The following FARP1 variants were observed in gnomAD, a reference collection of about 807,000 sequenced individuals.
FARP1 encodes FERM, ARH/RhoGEF and pleckstrin domain protein 1.
A neutral mutation model predicts 128.8 loss-of-function variants in FARP1; 52 were observed. The ratio of observed to expected loss-of-function variants is 0.40; its 90% CI spans 0.32 to 0.51. The LOEUF (loss-of-function observed/expected upper bound fraction) is 0.51. FARP1 is among the 20% of genes least tolerant of loss of function. The pLI, the probability that FARP1 is intolerant of heterozygous loss-of-function variation, is 0.45. For synonymous variants in FARP1, 580 were observed against 551.8 expected (o/e 1.05, Z -0.72); for missense variants, 1,333 against 1,367.9 (o/e 0.97, Z 0.40).
Position 98,453,394 on chromosome 13 carries a change from T to C in FARP1, c.*5077T>C, listed in dbSNP as rs993215775. 1 of 616,662 alleles carries C rather than the reference T, an allele frequency of 1.6e-6. No individual in the cohort carries two copies. Among genetic ancestry groups the C allele is most frequent in the African/African-American group, 1.9e-5 (1 of 53,196 alleles). 38.2% of individuals were successfully genotyped at this position (616,662 alleles called of 1,614,324 possible). A position where few individuals can be genotyped will look rare whatever the true frequency, so the allele number is the denominator to read the frequency against. On this transcript the variant is annotated 3_prime_UTR_variant, in exon 27 of 27. Transcript: ENST00000319562. ...CATATAAAGACTGAGAAGATCATGA[T>C]TCTTACACAAAAACTCCAGAGCATG...
chr13:98,208,158 G>C (rs568386961), intron 1 of FARP1, among the ~76,000 whole-genome samples: 1 of 152,154 alleles, frequency 6.6e-6, no homozygotes, highest in South Asian at 2.1e-4. Context: ...GCAGAAGTGA[G>C]AAAGGCACTT....
In FARP1 at chr13:98,439,978, C is replaced by A; in HGVS notation, c.2451C>A (p.Asp817Glu). 1 of 1,585,426 alleles carries A rather than the reference C, an allele frequency of 6.3e-7. No homozygotes were observed. ...LYGMTIEESE[D>E]EWGVPHCLTL... ...GCCCACAGATTGAGGAGAGCGAAGA[C>A]GAGTGGGGGGTGCCCCACTGCCTGA... Residue 817 changes from aspartate (D) to glutamate (E), a missense_variant, in exon 22 of 27, where the codon GAC becomes GAA. Transcript: ENST00000319562.
At chr13:98,271,571 C>T (rs1290825532) in intron 2 of FARP1, among the ~76,000 whole-genome samples, 1 of 152,092 alleles carries the variant, frequency 6.6e-6, no homozygotes, top group Non-Finnish European at 1.5e-5. Flanking sequence ...TTCTCCCCAC[C>T]CCTCGACAGG....
At chr13:98,143,584 C>T (rs140422396) in intron 1 of FARP1, 92 bp downstream of exon 1, 6,241 of 150,564 alleles carry the variant, frequency 0.041, 357 homozygotes, top group African/African-American at 0.13. Flanking sequence ...AGTCCAGGCT[C>T]CCGCAGCGCA....
Position 98,343,759 on chromosome 13 carries a change from C to T in FARP1, c.172-3C>T. 19 of 1,611,024 alleles carry T rather than the reference C, an allele frequency of 1.2e-5. No homozygotes were observed. The highest frequency in any genetic ancestry group is 1.6e-5 in the Non-Finnish European group (19 of 1,177,174). The stretch of plus-strand genomic sequence containing the variant: ...GGATAACCCCTGTTGTTTCTGCTCA[C>T]AGCAAAGAGCTCCTGGGAAGGTGCT... On this transcript the variant is annotated splice_polypyrimidine_tract_variant and splice_region_variant and intron_variant, in intron 2 of 26. Transcript: ENST00000319562.
intron 1 of FARP1, among the ~76,000 whole-genome samples, chr13:98,175,629 A>C (rs1877955251): frequency 6.6e-6 from 1 of 151,982 alleles, no homozygotes. Flanking sequence ...AGAGCTTTAT[A>C]ACTTTTTCAT....
intron 3 of FARP1, among the ~76,000 whole-genome samples, chr13:98,363,404 C>A (rs755210555): frequency 5.9e-5 from 9 of 152,174 alleles, no homozygotes; most frequent in Non-Finnish European, 1.0e-4. Flanking sequence ...GTTTTGACAT[C>A]TTAAAAGACC....
intron 5 of FARP1, among the ~76,000 whole-genome samples, chr13:98,373,922 A>G (rs1259306207): frequency 6.6e-6 from 1 of 152,244 alleles, no homozygotes; most frequent in Non-Finnish European, 1.5e-5. Context: ...TTATAATAGT[A>G]GTAAACATAC....
chr13:98,396,393 T>C, intron 13 of FARP1: 1 of 399,306 alleles, frequency 2.5e-6, no homozygotes, highest in Admixed American at 4.4e-5. Context: ...CAGTGCTGCG[T>C]TCCCCGTCCC....
rs142989511 is a variant in FARP1 at position 98,230,776 on chromosome 13, C to T, written c.171+17363C>T. On this transcript the variant is annotated intron_variant, in intron 2 of 26. Coordinates refer to ENST00000319562, the MANE Select transcript of FARP1 (RefSeq NM_005766.4). ...GTAAAGGAGATGCATGCAGAAACAG[C>T]CTCTAATTTGTCAGTAAGCCATGCA... Among the ~76,000 whole-genome samples the T allele has an allele frequency of 1.5e-3, 231 of 152,232 alleles. 1 individual carries two copies. The highest frequency in any genetic ancestry group is 5.2e-3 in the African/African-American group (218 of 41,524).
At chr13:98,440,924 G>T in intron 24 of FARP1, 88 bp downstream of exon 24, 1 of 1,363,422 alleles carries the variant, frequency 7.3e-7, no homozygotes, top group East Asian at 2.5e-5. Flanking sequence ...GCTTGAGGGA[G>T]GCTGGGACTG....
chr13:98,412,421 C>A (rs753660832), intron 16 of FARP1, among the ~76,000 whole-genome samples: 58 of 152,192 alleles, frequency 3.8e-4, no homozygotes, highest in Non-Finnish European at 7.5e-4. Flanking sequence ...ACATACATGC[C>A]TTGTGCAGTT....
chr13:98,310,672 T>C (rs1249340403), intron 2 of FARP1, among the ~76,000 whole-genome samples: 5 of 152,184 alleles, frequency 3.3e-5, no homozygotes, highest in Admixed American at 1.3e-4. Flanking sequence ...AGGTGTTGTG[T>C]GACTGGTGGT....
intron 2 of FARP1, among the ~76,000 whole-genome samples, chr13:98,301,370 T>C (rs1316917153): frequency 1.3e-5 from 2 of 152,206 alleles, no homozygotes; most frequent in Admixed American, 6.5e-5. Flanking sequence ...ACAGGTCTGC[T>C]TGGCAGAAAC....
At chr13:98,422,151 C>A (rs1333608223) in intron 16 of FARP1, among the ~76,000 whole-genome samples, 1 of 152,104 alleles carries the variant, frequency 6.6e-6, no homozygotes, top group Non-Finnish European at 1.5e-5. Context: ...GAGGTGGCCA[C>A]GAGAATTGAA....
At chr13:98,190,116 C>T (rs1566721279) in intron 1 of FARP1, among the ~76,000 whole-genome samples, 1 of 152,112 alleles carries the variant, frequency 6.6e-6, no homozygotes, top group Non-Finnish European at 1.5e-5. Flanking sequence ...TAACTTTTCT[C>T]TTTTTGAGTT....
chr13:98,420,615 C>T (rs571981293), intron 16 of FARP1, among the ~76,000 whole-genome samples: 1 of 152,252 alleles, frequency 6.6e-6, no homozygotes, highest in South Asian at 2.1e-4. Flanking sequence ...AGCAACCAGG[C>T]AGCTTCTTAG....
At chr13:98,147,233 CG>C (rs1250087092) in intron 1 of FARP1, among the ~76,000 whole-genome samples, 1 of 152,140 alleles carries the variant, frequency 6.6e-6, no homozygotes, top group Non-Finnish European at 1.5e-5. Context: ...ATATCATGCT[CG>C]AAGCTTTTGA....
At chr13:98,287,508 G>T (rs1374125299) in intron 2 of FARP1, among the ~76,000 whole-genome samples, 1 of 151,874 alleles carries the variant, frequency 6.6e-6, no homozygotes, top group Non-Finnish European at 1.5e-5. Context: ...GATTACAGGT[G>T]TGAGCCACTG....
Sources: allele counts gnomAD v4.1 joint callset (sites outside exome capture counted in the v4.1 genomes callset), GRCh38; gene constraint gnomAD v4.1.1; transcripts MANE v1.5; gene names NCBI Gene and HGNC (gene_info 2026-07-23, HGNC 2026-07-21).